DLGAP2: variants seen among roughly 807,000 people sequenced by gnomAD.
The protein encoded by DLGAP2 is DLG associated protein 2.
In DLGAP2, 26 loss-of-function variants were observed where a neutral mutation model predicts 100.3. That is an observed-to-expected ratio of 0.26 (90% CI 0.19 to 0.36). The LOEUF (loss-of-function observed/expected upper bound fraction) is 0.36, where lower values mean the gene tolerates loss of function less well. Among genes scored for constraint, DLGAP2 ranks in the 10% least tolerant of loss-of-function variants. DLGAP2 has a pLI of 1.00. For missense variants in DLGAP2, 1,858 were observed against 1,453.2 expected (o/e 1.28, Z -4.53); for synonymous variants, 886 against 630.1 (o/e 1.41, Z -6.08).
intron 2 of DLGAP2, among the ~76,000 whole-genome samples, chr8:1,074,094 G>A (rs1163164880): frequency 7.3e-6 from 1 of 136,186 alleles, no homozygotes; most frequent in Non-Finnish European, 1.5e-5. Context: ...AACTCACCCA[G>A]GTACATATTC....
At chr8:1,500,083 CAAT>C (rs1799666328) in intron 3 of DLGAP2, among the ~76,000 whole-genome samples, 1 of 152,174 alleles carries the variant, frequency 6.6e-6, no homozygotes, top group Non-Finnish European at 1.5e-5. Context: ...TCTGAACATG[CAAT>C]CATATTTATA....
intron 2 of DLGAP2, among the ~76,000 whole-genome samples, chr8:1,085,419 C>G (rs1287959947): frequency 2.6e-5 from 4 of 152,180 alleles, no homozygotes; most frequent in Non-Finnish European, 4.4e-5. Flanking sequence ...ATTAAATCAA[C>G]CAGCATCACC....
intron 1 of DLGAP2, among the ~76,000 whole-genome samples, chr8:782,163 G>T (rs962010726): frequency 6.6e-6 from 1 of 151,828 alleles, no homozygotes; most frequent in African/African-American, 2.4e-5. Context: ...ACAAATTATT[G>T]TGTGCACCTC....
chr8:881,160 A>C (rs1200664140), intron 1 of DLGAP2, among the ~76,000 whole-genome samples: 1 of 152,228 alleles, frequency 6.6e-6, no homozygotes, highest in Non-Finnish European at 1.5e-5. Flanking sequence ...TTCTTCTTAA[A>C]ACAATTCAGG....
chr8:960,067 T>C (rs1161993031), intron 2 of DLGAP2, among the ~76,000 whole-genome samples: 1 of 152,052 alleles, frequency 6.6e-6, no homozygotes, highest in Non-Finnish European at 1.5e-5. Context: ...AGTTTTCTAG[T>C]TAGGCTCTAA....
At position 1,565,916 on chromosome 8, in the gene DLGAP2, C is replaced by A. The variant is rs753944157; in HGVS notation, c.1442+22C>A. Reference sequence around the variant, plus strand: ...AGACGTAAGTGAGACCAGCTGCCTTCCCACTCCAAGCACTTTCCCACTGCC... The same window carrying A: ...AGACGTAAGTGAGACCAGCTGCCTTACCACTCCAAGCACTTTCCCACTGCC... On this transcript the variant is annotated intron_variant, in intron 6 of 14. Coordinates refer to ENST00000637795, the MANE Select transcript of DLGAP2 (RefSeq NM_001346810.2). The A allele has an allele frequency of 4.5e-6, 7 of 1,567,370 alleles. No homozygotes were observed. In the South Asian group the frequency reaches 8.2e-5, roughly 18 times the overall value.
chr8:1,436,698 C>T (rs936474126), intron 3 of DLGAP2, among the ~76,000 whole-genome samples: 8 of 152,108 alleles, frequency 5.3e-5, no homozygotes, highest in African/African-American at 1.7e-4. Context: ...AGTGATGTCT[C>T]GGGCCGCGCA....
intron 8 of DLGAP2, among the ~76,000 whole-genome samples, chr8:1,640,449 G>A (rs753290031): frequency 1.8e-4 from 28 of 152,190 alleles, no homozygotes; most frequent in Non-Finnish European, 3.1e-4. Flanking sequence ...CAACGATATC[G>A]TGCGGGAGTC....
chr8:1,060,966 G>C (rs762030218), intron 2 of DLGAP2, among the ~76,000 whole-genome samples: 1 of 152,200 alleles, frequency 6.6e-6, no homozygotes, highest in Admixed American at 6.5e-5. Flanking sequence ...TTGATATTTC[G>C]ATGTTGTGTA....
At chr8:1,514,832 C>T (rs570710641) in intron 4 of DLGAP2, among the ~76,000 whole-genome samples, 2 of 152,340 alleles carry the variant, frequency 1.3e-5, no homozygotes, top group South Asian at 4.1e-4. Flanking sequence ...GAGGGTGGCG[C>T]TCAGCGTGAT....
Position 1,540,600 on chromosome 8 carries a change from C to T in DLGAP2, c.173-8026C>T, listed in dbSNP as rs561127123. Among the ~76,000 whole-genome samples, 3 of 152,314 alleles carry T rather than the reference C, an allele frequency of 2.0e-5. No individual in the cohort carries two copies. In the South Asian group the frequency reaches 6.2e-4, roughly 32 times the overall value. ...TTCCTGCCGGGCTGGGCGCTGGAGTCGGGTGTGGCTGCACAGCTCTGCTGC... is the reference window on the plus strand; with the variant it reads ...TTCCTGCCGGGCTGGGCGCTGGAGTTGGGTGTGGCTGCACAGCTCTGCTGC... On this transcript the variant is annotated intron_variant, in intron 4 of 14. Transcript: ENST00000637795.
At chr8:912,797 G>A (rs774608066) in intron 2 of DLGAP2, among the ~76,000 whole-genome samples, 7 of 144,804 alleles carry the variant, frequency 4.8e-5, no homozygotes, top group Non-Finnish European at 9.0e-5. Flanking sequence ...GTTCCTCTCT[G>A]TGGAGCCGGC....
intron 4 of DLGAP2, among the ~76,000 whole-genome samples, chr8:1,523,852 A>G (rs189947264): frequency 6.6e-6 from 1 of 152,356 alleles, no homozygotes; most frequent in Admixed American, 6.5e-5. Context: ...TGAATAAAAC[A>G]GTTCAGCTTC....
At chr8:1,312,019 A>C (rs1390674567) in intron 3 of DLGAP2, among the ~76,000 whole-genome samples, 2 of 152,232 alleles carry the variant, frequency 1.3e-5, no homozygotes, top group African/African-American at 4.8e-5. Context: ...AAATTCAGCA[A>C]TGACAGGGTT....
chr8:1,380,005 C>T (rs552772646), intron 3 of DLGAP2, among the ~76,000 whole-genome samples: 31 of 152,112 alleles, frequency 2.0e-4, no homozygotes, highest in East Asian at 1.2e-3. Flanking sequence ...CTTCTGAGCC[C>T]GGCTCCATCC....
chr8:1,221,640 C>G (rs934203140), intron 2 of DLGAP2, among the ~76,000 whole-genome samples: 2 of 152,146 alleles, frequency 1.3e-5, no homozygotes, highest in African/African-American at 2.4e-5. Context: ...TCATATCAAC[C>G]TCTCTGGCAA....
chr8:1,407,890 G>T (rs35591395), intron 3 of DLGAP2, among the ~76,000 whole-genome samples: 34 of 149,372 alleles, frequency 2.3e-4, no homozygotes, highest in Non-Finnish European at 1.8e-4. Context: ...TTGTCCTCTG[G>T]AGTCATGTAT....
chr8:1,669,708 A>G (rs1798642024), intron 9 of DLGAP2, 35 bp from the exon 10 acceptor site: 1 of 780,828 alleles, frequency 1.3e-6, no homozygotes, highest in African/African-American at 1.7e-5. Flanking sequence ...CCTCCGAACC[A>G]GGTCTCCACA....
chr8:1,610,749 T>C (rs1796969191), intron 6 of DLGAP2, among the ~76,000 whole-genome samples: 1 of 146,824 alleles, frequency 6.8e-6, no homozygotes, highest in Non-Finnish European at 1.5e-5. Context: ...CATCAGAGAA[T>C]ACTACAAACA....
Sources: gnomAD v4.1 joint callset for allele counts (sites outside exome capture counted in the v4.1 genomes callset) on GRCh38, gnomAD v4.1.1 for gene constraint, MANE v1.5 for transcripts, NCBI Gene and HGNC (gene_info 2026-07-23, HGNC 2026-07-21) for gene names.